The following MAPRE2 variants were observed in gnomAD, a reference collection of about 807,000 sequenced individuals.
MAPRE2 encodes the protein microtubule associated protein RP/EB family member 2.
Under a neutral mutation model 43.2 loss-of-function variants are expected in MAPRE2, and 13 were observed. The ratio of observed to expected loss-of-function variants is 0.30; its 90% CI spans 0.20 to 0.48. MAPRE2 has a LOEUF of 0.48. MAPRE2 is among the 20% of genes least tolerant of loss of function. MAPRE2 has a pLI of 0.99. For synonymous variants in MAPRE2, 135 were observed against 148.8 expected (o/e 0.91, Z 0.68); for missense variants, 161 against 400.2 (o/e 0.40, Z 5.10).
intron 1 of MAPRE2, among the ~76,000 whole-genome samples, chr18:35,042,536 G>T (rs1184873996): frequency 6.6e-6 from 1 of 152,144 alleles, no homozygotes; most frequent in Admixed American, 6.5e-5. Flanking sequence ...AAAATTGTTT[G>T]CATTGTTTGA....
At chr18:35,048,687 T>C (rs1323874512) in intron 1 of MAPRE2, among the ~76,000 whole-genome samples, 1 of 149,048 alleles carries the variant, frequency 6.7e-6, no homozygotes, top group Non-Finnish European at 1.5e-5. Context: ...ATACGTACAC[T>C]ATACTATATA....
At chr18:34,985,888 A>G (rs1385126960) in intron 1 of MAPRE2, among the ~76,000 whole-genome samples, 1 of 151,014 alleles carries the variant, frequency 6.6e-6, no homozygotes, top group Non-Finnish European at 1.5e-5. Flanking sequence ...TACATGTAGC[A>G]CTAATAGTTC....
chr18:35,054,871 T>C (rs1906135681), intron 1 of MAPRE2, among the ~76,000 whole-genome samples: 1 of 152,186 alleles, frequency 6.6e-6, no homozygotes, highest in Non-Finnish European at 1.5e-5. Flanking sequence ...GATTTGGTCA[T>C]AGTTCGCAAT....
At chr18:35,130,150 T>TG (rs150492345) in intron 5 of MAPRE2, among the ~76,000 whole-genome samples, 5,093 of 147,116 alleles carry the variant, frequency 0.035, 233 homozygotes, top group African/African-American at 0.11. Context: ...TACAGGGGGC[T>TG]GGGGGGGGGT....
At chr18:35,026,181 G>T (rs934287293) in intron 2 of MAPRE2, among the ~76,000 whole-genome samples, 3 of 152,122 alleles carry the variant, frequency 2.0e-5, no homozygotes, top group African/African-American at 7.2e-5. Flanking sequence ...GAATGGGCAG[G>T]ACATACCTGT....
At chr18:35,054,236 G>T (rs1906101514) in intron 1 of MAPRE2, among the ~76,000 whole-genome samples, 1 of 152,194 alleles carries the variant, frequency 6.6e-6, no homozygotes, top group African/African-American at 2.4e-5. Flanking sequence ...TTGCCTAAAA[G>T]GATCGACTGA....
chr18:35,086,705 G>A (rs377446218), intron 2 of MAPRE2, among the ~76,000 whole-genome samples: 5 of 151,756 alleles, frequency 3.3e-5, no homozygotes, highest in African/African-American at 1.2e-4. Context: ...TTGAAGTTCA[G>A]ATCAGAGTTT....
intron 1 of MAPRE2, chr18:34,978,230 A>G (rs368957808): frequency 2.0e-5 from 10 of 500,726 alleles, no homozygotes; most frequent in African/African-American, 1.6e-4. Flanking sequence ...AAAGAAGAAC[A>G]AAAGGAAAAT....
intron 1 of MAPRE2, among the ~76,000 whole-genome samples, chr18:35,048,234 A>G (rs961789393): frequency 3.9e-5 from 6 of 152,100 alleles, no homozygotes; most frequent in East Asian, 1.9e-4. Flanking sequence ...CAACCAGCTC[A>G]TGTGAGAAGT....
chr18:35,128,439 C>G (rs1910002444), intron 5 of MAPRE2, among the ~76,000 whole-genome samples: 1 of 152,166 alleles, frequency 6.6e-6, no homozygotes, highest in Non-Finnish European at 1.5e-5. Flanking sequence ...TCTGCACATT[C>G]AAGCAACCAA....
At chr18:35,092,650 G>C (rs1024696227) in intron 2 of MAPRE2, among the ~76,000 whole-genome samples, 1 of 152,116 alleles carries the variant, frequency 6.6e-6, no homozygotes, top group Admixed American at 6.6e-5. Context: ...CACAGCAAAG[G>C]AAACAGTCAG....
At chr18:34,997,028 A>G (rs2097026826) in intron 1 of MAPRE2, among the ~76,000 whole-genome samples, 1 of 152,108 alleles carries the variant, frequency 6.6e-6, no homozygotes, top group Non-Finnish European at 1.5e-5. Flanking sequence ...TCTTCTTTTC[A>G]TGGCGTTATG....
rs1299000237 is a variant in MAPRE2, at chr18:34,984,770, A to G, written c.-70+7691A>G. Among the ~76,000 whole-genome samples the G allele has an allele frequency of 3.1e-5, 4 of 128,516 alleles. No homozygotes were observed. The Admixed American group carries it at 3.9e-4, about 13-fold the overall frequency. The allele number at this position is 128,516 out of a possible 152,430, so 84.3% of individuals were successfully genotyped here. A position where few individuals can be genotyped will look rare whatever the true frequency, so the allele number is the denominator to read the frequency against. On this transcript the variant is annotated intron_variant, in intron 1 of 7. Coordinates refer to the MAPRE2 transcript ENST00000413393. ...TTTAATATATTACATACTATATATA[A>G]TAATATATTAATATATAGTTATATA...
chr18:35,092,290 A>C (rs1050465405), intron 2 of MAPRE2, among the ~76,000 whole-genome samples: 3 of 152,246 alleles, frequency 2.0e-5, no homozygotes, highest in African/African-American at 7.2e-5. Context: ...ATCCAACAGA[A>C]TAGAGCACAC....
intron 1 of MAPRE2, among the ~76,000 whole-genome samples, chr18:34,987,572 G>GA (rs1231327837): frequency 4.6e-5 from 7 of 152,118 alleles, no homozygotes; most frequent in African/African-American, 1.7e-4. Flanking sequence ...TTCCAGGTAT[G>GA]AAATCATTGT....
At chr18:35,100,608 A>G (rs1192525296) in intron 3 of MAPRE2, among the ~76,000 whole-genome samples, 1 of 152,216 alleles carries the variant, frequency 6.6e-6, no homozygotes, top group Non-Finnish European at 1.5e-5. Context: ...TGTGACACAT[A>G]TACACCATGG....
intron 2 of MAPRE2, among the ~76,000 whole-genome samples, chr18:35,016,345 T>C (rs539499551): frequency 2.6e-5 from 4 of 151,994 alleles, no homozygotes; most frequent in Admixed American, 6.6e-5. Context: ...ATACCTGGGT[T>C]GAATGTAGTT....
chr18:34,989,845 C>T (rs1364836019), intron 1 of MAPRE2, among the ~76,000 whole-genome samples: 3 of 152,060 alleles, frequency 2.0e-5, no homozygotes, highest in Non-Finnish European at 2.9e-5. Context: ...TTAGGAGGAT[C>T]CCCCGGTAAT....
At chr18:34,991,013 T>G (rs2097023495) in intron 1 of MAPRE2, among the ~76,000 whole-genome samples, 1 of 152,142 alleles carries the variant, frequency 6.6e-6, no homozygotes, top group Non-Finnish European at 1.5e-5. Context: ...AGCCTCTGCT[T>G]TTTGTTTTTC....
Sources: gnomAD v4.1 joint callset for allele counts (sites outside exome capture counted in the v4.1 genomes callset) on GRCh38, gnomAD v4.1.1 for gene constraint, MANE v1.5 for transcripts, NCBI Gene and HGNC (gene_info 2026-07-23, HGNC 2026-07-21) for gene names.